The following FBLN7 variants were observed in gnomAD, a reference collection of about 807,000 sequenced individuals.
FBLN7 encodes fibulin 7.
Under a neutral mutation model 44.0 loss-of-function variants are expected in FBLN7, and 31 were observed. The observed-to-expected ratio is 0.70, with a 90% CI of 0.53 to 0.95. The LOEUF is 0.95. Among genes scored for constraint, FBLN7 ranks in the 40% least tolerant of loss-of-function variants. The pLI, the probability that FBLN7 is intolerant of heterozygous loss-of-function variation, is 0.00. For synonymous variants in FBLN7, 262 were observed against 253.4 expected (o/e 1.03, Z -0.32); for missense variants, 573 against 618.5 (o/e 0.93, Z 0.78).
chr2:112,181,538 T>G (rs7564437), intron 4 of FBLN7, among the ~76,000 whole-genome samples: 104,710 of 152,052 alleles, frequency 0.69, 36,657 homozygotes, highest in African/African-American at 0.81. Flanking sequence ...GGCGCTTCCT[T>G]TCCCGCGCCC....
chr2:112,226,093 A>G, the FBLN7 span, among the ~76,000 whole-genome samples: 1 of 152,008 alleles, frequency 6.6e-6, no homozygotes, highest in Non-Finnish European at 1.5e-5. Context: ...AAAAAAAAAG[A>G]AAATCTTTTT....
chr2:112,157,123 G>A (rs111978539), intron 1 of FBLN7, among the ~76,000 whole-genome samples: 4 of 152,042 alleles, frequency 2.6e-5, no homozygotes, highest in African/African-American at 9.6e-5. Flanking sequence ...TAATCCCAGC[G>A]CTTTGGGAGG....
At chr2:112,225,271 C>T in the FBLN7 span, among the ~76,000 whole-genome samples, 5 of 151,866 alleles carry the variant, frequency 3.3e-5, no homozygotes, top group Admixed American at 6.6e-5. Context: ...ATATGCAACC[C>T]ACTGGGGAAA....
chr2:112,239,270 T>C, the FBLN7 span, among the ~76,000 whole-genome samples: 15 of 152,220 alleles, frequency 9.9e-5, no homozygotes, highest in African/African-American at 3.6e-4. Flanking sequence ...GTTACATGTG[T>C]TTCTACACTT....
chr2:112,165,166 G>A lies in FBLN7; in HGVS notation c.401G>A (p.Cys134Tyr). The A allele has an allele frequency of 6.2e-7, 1 of 1,614,048 alleles. No individual in the cohort carries two copies. Among genetic ancestry groups the A allele is most frequent in the South Asian group, 1.1e-5 (1 of 91,060 alleles). The stretch of plus-strand genomic sequence containing the variant: ...ACCTGGACAGGGGAGCAGCCCCACT[G>A]TAGAGGTATCGTCTCTCCTTCCCAT... ...NGTWTGEQPHCRGISECSSQP... is the reference protein window; with the variant it reads ...NGTWTGEQPHYRGISECSSQP... The change falls in exon 3 of 8, where the codon TGT (cysteine) becomes TAT (tyrosine). Residue 134 changes from cysteine (C) to tyrosine (Y), a missense_variant. By Grantham distance (194) the Cys-to-Tyr change is radical. Transcript: ENST00000331203.
intron 1 of FBLN7, among the ~76,000 whole-genome samples, chr2:112,156,637 C>T (rs1681444744): frequency 6.6e-6 from 1 of 152,168 alleles, no homozygotes; most frequent in Non-Finnish European, 1.5e-5. Context: ...GCCCCAGGAC[C>T]TGCGTGGGAG....
intron 2 of FBLN7, among the ~76,000 whole-genome samples, chr2:112,160,468 G>A (rs893316557): frequency 6.6e-6 from 1 of 152,160 alleles, no homozygotes; most frequent in African/African-American, 2.4e-5. Flanking sequence ...GTTGCAAGGC[G>A]CCACTTTTAG....
the FBLN7 span, among the ~76,000 whole-genome samples, chr2:112,204,229 G>T: frequency 6.6e-6 from 1 of 151,002 alleles, no homozygotes. Context: ...AGAAAGAATC[G>T]GTGAATTTAA....
At chr2:112,244,126 T>C in the FBLN7 span, among the ~76,000 whole-genome samples, 2 of 151,904 alleles carry the variant, frequency 1.3e-5, no homozygotes, top group African/African-American at 4.8e-5. Context: ...CACAATCGCA[T>C]AGAATTAAGA....
chr2:112,165,074 C>T lies in FBLN7; in HGVS notation c.309C>T (p.Val103=), dbSNP rs1278901992. 8 of 1,614,208 alleles carry T rather than the reference C, an allele frequency of 5.0e-6. No homozygotes were observed. Among genetic ancestry groups the T allele is most frequent in the Non-Finnish European group, 6.8e-6 (8 of 1,180,038 alleles). The part of the protein sequence containing the change: ...FGSKYLVDHE[V]HFTCNPGFRL... Reference sequence around the variant, plus strand: ...GCAAGTACTTAGTGGATCACGAAGTCCATTTTACCTGCAACCCTGGGTTCC... The same window carrying T: ...GCAAGTACTTAGTGGATCACGAAGTTCATTTTACCTGCAACCCTGGGTTCC... Residue 103 remains valine, a synonymous_variant, in exon 3 of 8, where the codon GTC becomes GTT. Coordinates refer to ENST00000331203, the MANE Select transcript of FBLN7 (RefSeq NM_153214.3).
the FBLN7 span, chr2:112,214,603 T>TA: frequency 6.6e-6 from 1 of 152,188 alleles, no homozygotes; most frequent in African/African-American, 2.4e-5. Context: ...GGCTAGGTGA[T>TA]AGAGTACTTT....
At chr2:112,173,871 C>T (rs1352425593) in intron 3 of FBLN7, among the ~76,000 whole-genome samples, 1 of 152,220 alleles carries the variant, frequency 6.6e-6, no homozygotes, top group Non-Finnish European at 1.5e-5. Context: ...TAAAGAGAGT[C>T]TGAATGCAGC....
At chr2:112,237,059 G>A in the FBLN7 span, among the ~76,000 whole-genome samples, 3 of 152,202 alleles carry the variant, frequency 2.0e-5, no homozygotes, top group Admixed American at 6.5e-5. Context: ...AGAACCTGTC[G>A]CAAAACAAAT....
the FBLN7 span, among the ~76,000 whole-genome samples, chr2:112,200,454 G>C: frequency 5.9e-5 from 9 of 152,128 alleles, no homozygotes; most frequent in Non-Finnish European, 1.3e-4. Context: ...GGGAATTCTC[G>C]AATTACCTGA....
intron 4 of FBLN7, among the ~76,000 whole-genome samples, chr2:112,180,151 C>G (rs112403230): frequency 1.3e-5 from 2 of 152,176 alleles, no homozygotes; most frequent in African/African-American, 4.8e-5. Flanking sequence ...GAAAAACAAA[C>G]AACCCCATTA....
chr2:112,206,986 G>C, the FBLN7 span, among the ~76,000 whole-genome samples: 3 of 151,916 alleles, frequency 2.0e-5, no homozygotes, highest in African/African-American at 7.3e-5. Flanking sequence ...TTTTGCCTTG[G>C]CCTCCCAAGG....
chr2:112,196,364 T>C, the FBLN7 span, among the ~76,000 whole-genome samples: 1 of 141,290 alleles, frequency 7.1e-6, no homozygotes, highest in Non-Finnish European at 1.5e-5. Flanking sequence ...ATTAATTTCT[T>C]CTTCTTCTTC....
chr2:112,179,762 T>A (rs1032524139), intron 4 of FBLN7, among the ~76,000 whole-genome samples: 2 of 152,166 alleles, frequency 1.3e-5, no homozygotes, highest in African/African-American at 4.8e-5. Context: ...ATTCAATAAA[T>A]GGTGCTGGGA....
chr2:112,145,051 G>A lies in FBLN7; in HGVS notation c.75+6321G>A, dbSNP rs985567056. 1.1e-4 allele frequency among the ~76,000 whole-genome samples: 17 copies of A among 152,102 alleles called. 1 individual carries two copies. Among genetic ancestry groups the A allele is most frequent in the East Asian group, 1.9e-4 (1 of 5,200 alleles). The stretch of plus-strand genomic sequence containing the variant: ...AACTATATTCTGTATTAGTTTTACC[G>A]CTTTACATTTATGAAAGACCTCACT... On this transcript the variant is annotated intron_variant, in intron 1 of 7. Transcript: ENST00000331203.
Sources: gnomAD v4.1 joint callset for allele counts (sites outside exome capture counted in the v4.1 genomes callset) on GRCh38, gnomAD v4.1.1 for gene constraint, MANE v1.5 for transcripts, NCBI Gene and HGNC (gene_info 2026-07-23, HGNC 2026-07-21) for gene names.